Variants in USH1C observed in about 807,000 individuals in gnomAD.
The protein encoded by USH1C is harmonin.
USH1C carries 90 observed loss-of-function variants against 119.3 expected under a neutral mutation model. The observed-to-expected ratio is 0.75, with a 90% confidence interval of 0.64 to 0.90. The LOEUF (loss-of-function observed/expected upper bound fraction) is 0.90, where lower values mean the gene tolerates loss of function less well. Ranked by LOEUF, USH1C falls within the 40% of genes least tolerant of loss-of-function variation. The probability of loss-of-function intolerance (pLI) is 0.00; values close to 1 mark genes in which losing one functional copy is unlikely to be tolerated. For synonymous variants in USH1C, 465 were observed against 443.3 expected (o/e 1.05, Z -0.62); for missense variants, 1,165 against 1,167.7 (o/e 1.00, Z 0.03).
chr11:17,543,363 C>A (rs1851551962), intron 1 of USH1C, among the ~76,000 whole-genome samples: 2 of 152,154 alleles, frequency 1.3e-5, no homozygotes, highest in African/African-American at 4.8e-5. Context: ...GTTAAGTTAT[C>A]AATAGTTACC....
At position 17,493,959 on chromosome 11, in the gene USH1C, C is replaced by A; in HGVS notation, c.*373G>T. 3.1e-6 allele frequency: 1 copy of A among 317,990 alleles called. No homozygotes were observed. Among genetic ancestry groups the A allele is most frequent in the Non-Finnish European group, 6.1e-6 (1 of 165,262 alleles). 19.7% of individuals were successfully genotyped at this position (317,990 alleles called of 1,614,324 possible). ...GTAAGGTTTGGAGTGACAATCCTGGCAGCAATTAGAGCAGAGGGCAGAGGA... is the reference window on the plus strand; with the variant it reads ...GTAAGGTTTGGAGTGACAATCCTGGAAGCAATTAGAGCAGAGGGCAGAGGA... On this transcript the variant is annotated 3_prime_UTR_variant, in exon 27 of 27. Coordinates refer to ENST00000005226, the MANE Select transcript of USH1C (RefSeq NM_153676.4).
At chr11:17,515,484 A>G (rs1850102420) in intron 15 of USH1C, among the ~76,000 whole-genome samples, 2 of 152,190 alleles carry the variant, frequency 1.3e-5, no homozygotes, top group Non-Finnish European at 2.9e-5. Flanking sequence ...TGGGGGACTG[A>G]CATCTTGCCA....
chr11:17,522,880 C>T lies in USH1C; in HGVS notation c.923G>A (p.Arg308Gln), dbSNP rs763948115. ...CTCCTGCCGCTGCAGCTCACGCTGC[C>T]GCGCCTCTGCCAGCCGCTCCCGGTC... Reference protein sequence around the residue: ...MTDRERLAEARQRELQRQELL... With the variant: ...MTDRERLAEAQQRELQRQELL... Residue 308 changes from arginine to glutamine, a missense_variant, in exon 12 of 27, where the codon CGG (arginine) becomes CAG (glutamine). By Grantham distance (43) the Arg-to-Gln change is conservative. Coordinates refer to ENST00000005226, the MANE Select transcript of USH1C (RefSeq NM_153676.4). 1.2e-5 allele frequency: 19 copies of T among 1,611,194 alleles called. No homozygotes were observed. The highest frequency in any genetic ancestry group is 2.2e-5 in the East Asian group (1 of 44,760).
At chr11:17,539,969 C>T (rs1457059274) in intron 1 of USH1C, among the ~76,000 whole-genome samples, 6 of 151,698 alleles carry the variant, frequency 4.0e-5, no homozygotes, top group African/African-American at 1.2e-4. Flanking sequence ...GTAGCTGGGA[C>T]TACAGGTGCA....
intron 7 of USH1C, 145 bp from the exon 8 acceptor site, chr11:17,526,586 T>G (rs115427218): frequency 1.8e-6 from 2 of 1,132,710 alleles, no homozygotes; most frequent in Admixed American, 4.0e-5. Context: ...CTGCACCAGC[T>G]GGGCCTGGCC....
At chr11:17,526,122 G>A (rs1850656927) in intron 8 of USH1C, among the ~76,000 whole-genome samples, 1 of 152,198 alleles carries the variant, frequency 6.6e-6, no homozygotes, top group Non-Finnish European at 1.5e-5. Context: ...GATTGCTTGA[G>A]CTGGGGAGGT....
chr11:17,531,987 C>A lies in USH1C; in HGVS notation c.105-445G>T, dbSNP rs1294918329. ...AGACCTTCGACTGCAGCTGCCTGCC[C>A]ATGTACTCACTGTCACGTCATCTTT... On this transcript the variant is annotated intron_variant, in intron 2 of 26. Transcript: ENST00000005226. This position sits in a 1 kb window ranked among gnomAD's most constrained non-coding sequence, Gnocchi z 4.2. Among the ~76,000 whole-genome samples the A allele has an allele frequency of 6.6e-6, 1 of 152,198 alleles. No homozygotes were observed. The highest frequency in any genetic ancestry group is 1.5e-5 in the Non-Finnish European group (1 of 68,038).
chr11:17,500,697 T>G (rs933715814), intron 23 of USH1C, among the ~76,000 whole-genome samples: 1 of 152,118 alleles, frequency 6.6e-6, no homozygotes, highest in African/African-American at 2.4e-5. Context: ...CTCCTCTTGG[T>G]GGGTTAGAGG....
Position 17,534,734 on chromosome 11 carries a change from C to T in USH1C, c.37-1412G>A, listed in dbSNP as rs538211281. ...TATTAAAATACAAAAATTAGCTGGGCGTAGTGGTATGCCCCTGTAATCCCA... is the reference window on the plus strand; with the variant it reads ...TATTAAAATACAAAAATTAGCTGGGTGTAGTGGTATGCCCCTGTAATCCCA... On this transcript the variant is annotated intron_variant, in intron 1 of 26. Coordinates refer to ENST00000005226, the MANE Select transcript of USH1C (RefSeq NM_153676.4). Among the ~76,000 whole-genome samples, 15 of 152,180 alleles carry T rather than the reference C, an allele frequency of 9.9e-5. No individual in the cohort carries two copies. In the South Asian group the frequency reaches 3.1e-3, roughly 32 times the overall value.
At chr11:17,527,169 GCCCT>G in intron 5 of USH1C, 50 bp downstream of exon 5, 1 of 514,840 alleles carries the variant, frequency 1.9e-6, no homozygotes, top group Non-Finnish European at 2.7e-6. Flanking sequence ...CTGCTCCCCC[GCCCT>G]CCCTCCCTCC....
intron 10 of USH1C, 72 bp from the exon 11 acceptor site, chr11:17,523,339 C>T: frequency 2.5e-6 from 4 of 1,613,780 alleles, no homozygotes; most frequent in Admixed American, 1.7e-5. Context: ...CACAGAAGGC[C>T]CCAGGCTCCA....
At chr11:17,517,391 G>C in intron 14 of USH1C, 1 of 1,573,786 alleles carries the variant, frequency 6.4e-7, no homozygotes, top group South Asian at 1.2e-5. Context: ...AGCAAAGCGG[G>C]GACGCGAACC....
intron 1 of USH1C, among the ~76,000 whole-genome samples, chr11:17,539,872 A>C (rs1372887716): frequency 1.5e-5 from 2 of 130,762 alleles, no homozygotes; most frequent in East Asian, 4.3e-4. Flanking sequence ...TTACTCTGTC[A>C]CCCAAGCTGG....
chr11:17,517,291 GC>G, intron 14 of USH1C: 1 of 1,114,302 alleles, frequency 9.0e-7, no homozygotes, highest in Non-Finnish European at 1.3e-6. Flanking sequence ...GACTCTATTG[GC>G]CCCCACACAT....
At chr11:17,501,243 G>A in intron 22 of USH1C, 93 bp from the exon 23 acceptor site, 1 of 1,176,266 alleles carries the variant, frequency 8.5e-7, no homozygotes, top group Non-Finnish European at 1.2e-6. Context: ...GCCACAGTAA[G>A]AGTGGAAGAA....
At chr11:17,544,076 C>CG (rs2133973483) in intron 1 of USH1C, among the ~76,000 whole-genome samples, 196 bp downstream of exon 1, 1 of 152,348 alleles carries the variant, frequency 6.6e-6, no homozygotes, top group East Asian at 1.9e-4. Context: ...GTCCTTGAGC[C>CG]GGGAGTCCCC....
At chr11:17,544,069 C>T (rs563963619) in intron 1 of USH1C, among the ~76,000 whole-genome samples, 1 of 152,378 alleles carries the variant, frequency 6.6e-6, no homozygotes, top group East Asian at 1.9e-4. Context: ...TTTAGCAGTC[C>T]TTGAGCCGGG....
chr11:17,515,577 C>T (rs1850106480), intron 15 of USH1C, among the ~76,000 whole-genome samples: 1 of 152,044 alleles, frequency 6.6e-6, no homozygotes, highest in South Asian at 2.1e-4. Context: ...CAAGTCATCT[C>T]GAATGTCCAA....
At chr11:17,526,091 C>T (rs919703775) in intron 8 of USH1C, among the ~76,000 whole-genome samples, 3 of 152,058 alleles carry the variant, frequency 2.0e-5, no homozygotes, top group African/African-American at 7.2e-5. Flanking sequence ...GATCCAGCTA[C>T]TCAGGAGGCT....
Sources: gnomAD v4.1 joint callset for allele counts (sites outside exome capture counted in the v4.1 genomes callset) on GRCh38, gnomAD v4.1.1 for gene constraint, Gnocchi (gnomAD v3.1) non-coding constraint, MANE v1.5 for transcripts, NCBI Gene and HGNC (gene_info 2026-07-23, HGNC 2026-07-21) for gene names.